The following DNAH8 variants were observed in gnomAD, a reference collection of about 807,000 sequenced individuals.
The protein encoded by DNAH8 is dynein axonemal heavy chain 8, also known as axonemal beta dynein heavy chain 8.
A neutral mutation model predicts 562.1 loss-of-function variants in DNAH8; 382 were observed. The observed-to-expected ratio is 0.68, with a 90% CI of 0.63 to 0.74. The LOEUF (loss-of-function observed/expected upper bound fraction) is 0.74, where lower values mean the gene tolerates loss of function less well. Ranked by LOEUF, DNAH8 falls within the 30% of genes least tolerant of loss-of-function variation. The pLI is 0.00. For synonymous variants in DNAH8, 1,881 were observed against 1,919.4 expected, an observed-to-expected ratio of 0.98 and a Z score of 0.52; for missense variants, 5,203 against 5,620.4, an observed-to-expected ratio of 0.93 and a Z score of 2.37.
intron 82 of DNAH8, among the ~76,000 whole-genome samples, chr6:38,969,965 A>T (rs1171072923): frequency 6.6e-6 from 1 of 152,142 alleles, no homozygotes; most frequent in East Asian, 1.9e-4. Flanking sequence ...GGCCATTCCA[A>T]GAATCTAGGC....
chr6:38,988,524 A>G (rs542690479), intron 87 of DNAH8, among the ~76,000 whole-genome samples: 1 of 152,332 alleles, frequency 6.6e-6, no homozygotes, highest in African/African-American at 2.4e-5. Context: ...AGTAATGACC[A>G]TGCTCATAAC....
chr6:38,889,205 G>T (rs1779168567), intron 57 of DNAH8, among the ~76,000 whole-genome samples: 1 of 152,170 alleles, frequency 6.6e-6, no homozygotes, highest in South Asian at 2.1e-4. Flanking sequence ...GAAAATGAAT[G>T]AATATAGCTA....
At chr6:39,023,686 A>G (rs1353158732) in intron 91 of DNAH8, among the ~76,000 whole-genome samples, 4 of 152,222 alleles carry the variant, frequency 2.6e-5, no homozygotes, top group Admixed American at 6.5e-5. Flanking sequence ...TTTAAATTCA[A>G]TAATGAACAG....
At chr6:39,024,881 C>T (rs1767166545) in intron 91 of DNAH8, among the ~76,000 whole-genome samples, 1 of 152,156 alleles carries the variant, frequency 6.6e-6, no homozygotes, top group Non-Finnish European at 1.5e-5. Context: ...TATAAAAGTC[C>T]TTCACTCAGC....
Position 38,870,796 on chromosome 6 carries a change from C to T in DNAH8, c.6990+234C>T, listed in dbSNP as rs540052635. ...AATTTACTGCAGTTTTTACTTATAC[C>T]TGGTGACAATGTTGGGCGGAAATAG... On this transcript the variant is annotated intron_variant, in intron 49 of 92. Coordinates refer to ENST00000327475, the MANE Select transcript of DNAH8 (RefSeq NM_001206927.2). 2.0e-5 allele frequency among the ~76,000 whole-genome samples: 3 copies of T among 152,226 alleles called. No individual in the cohort carries two copies. In the South Asian group the frequency reaches 6.2e-4, roughly 32 times the overall value.
intron 53 of DNAH8, among the ~76,000 whole-genome samples, chr6:38,877,582 A>G (rs1369796062): frequency 1.3e-5 from 2 of 152,200 alleles, no homozygotes; most frequent in Admixed American, 6.5e-5. Flanking sequence ...CTTTGTGGCC[A>G]CGAAATGAAC....
chr6:38,761,907 G>T, intron 11 of DNAH8, 104 bp downstream of exon 11: 1 of 557,756 alleles, frequency 1.8e-6, no homozygotes, highest in Non-Finnish European at 3.1e-6. Flanking sequence ...ACTTCCTACA[G>T]AGTAGTGTTG....
intron 89 of DNAH8, among the ~76,000 whole-genome samples, chr6:39,010,820 C>CACACGTAT (rs1554163118): frequency 1.9e-4 from 25 of 132,758 alleles, no homozygotes; most frequent in African/African-American, 1.4e-4. Context: ...CACACACACA[C>CACACGTAT]GTATGTATGT....
At chr6:38,723,853 T>C (rs1230940018) in intron 3 of DNAH8, among the ~76,000 whole-genome samples, 1 of 151,872 alleles carries the variant, frequency 6.6e-6, no homozygotes, top group Non-Finnish European at 1.5e-5. Flanking sequence ...AGTGAGATGC[T>C]GTCTAAAAAA....
rs1782578144 is a variant in DNAH8 at position 38,931,922 on chromosome 6, A to G, written c.11386A>G (p.Ile3796Val). 2 of 1,611,806 alleles carry G rather than the reference A, an allele frequency of 1.2e-6. No homozygotes were observed. Among genetic ancestry groups the G allele is most frequent in the Middle Eastern group, 1.6e-4 (1 of 6,074 alleles). Residue 3796 changes from isoleucine to valine, a missense_variant, in exon 76 of 93, where the codon ATT (isoleucine) becomes GTT (valine). Coordinates refer to ENST00000327475, the MANE Select transcript of DNAH8 (RefSeq NM_001206927.2). ...TPEINAKTSVIDFTVTMKGLE... is the reference protein window; with the variant it reads ...TPEINAKTSVVDFTVTMKGLE... ...AGAGATTAATGCTAAAACGTCAGTC[A>G]TTGATTTCACTGTTACAATGAAAGG...
At chr6:38,863,563 T>C (rs1305444584) in intron 44 of DNAH8, among the ~76,000 whole-genome samples, 1 of 152,194 alleles carries the variant, frequency 6.6e-6, no homozygotes, top group African/African-American at 2.4e-5. Context: ...ACCTATCCTT[T>C]ACTCCGCTCT....
chr6:38,726,791 T>G (rs1763253469), intron 3 of DNAH8, among the ~76,000 whole-genome samples: 1 of 149,556 alleles, frequency 6.7e-6, no homozygotes, highest in South Asian at 2.1e-4. Flanking sequence ...GAACAAGGGG[T>G]GGCATGATTT....
chr6:38,932,094 C>T (rs1561880316), intron 76 of DNAH8, 101 bp downstream of exon 76: 2 of 796,118 alleles, frequency 2.5e-6, no homozygotes, highest in Non-Finnish European at 3.7e-6. Flanking sequence ...AATTTAAAAA[C>T]CATATTTATC....
chr6:39,000,469 T>C (rs935323693), intron 88 of DNAH8, among the ~76,000 whole-genome samples: 1 of 152,180 alleles, frequency 6.6e-6, no homozygotes, highest in Admixed American at 6.5e-5. Context: ...GAGGGAGCAC[T>C]ACCGCCTGAG....
chr6:38,984,083 AT>A, intron 86 of DNAH8, 122 bp from the exon 87 acceptor site: 1 of 589,884 alleles, frequency 1.7e-6, no homozygotes, highest in South Asian at 2.4e-5. Context: ...ACGATGAATA[AT>A]TTTAAATGTG....
intron 88 of DNAH8, among the ~76,000 whole-genome samples, chr6:39,001,009 G>A (rs1765445905): frequency 6.6e-6 from 1 of 152,108 alleles, no homozygotes; most frequent in South Asian, 2.1e-4. Flanking sequence ...ACACACCAAG[G>A]AACAATCCAA....
chr6:38,920,658 A>G (rs959125248), intron 70 of DNAH8, among the ~76,000 whole-genome samples: 2 of 152,182 alleles, frequency 1.3e-5, no homozygotes, highest in Non-Finnish European at 2.9e-5. Context: ...ATGAGTAGGA[A>G]AAAGGTTAAT....
rs199660812 is a variant in DNAH8, at chr6:38,868,142, T to C, written c.6774T>C (p.Asp2258=). The C allele has an allele frequency of 3.1e-6, 5 of 1,613,854 alleles. No individual in the cohort carries two copies. The highest frequency in any genetic ancestry group is 4.2e-6 in the Non-Finnish European group (5 of 1,179,800). ...CTCAAAAAAGAGCCAGACCAGAAGA[T>C]AGTGAATTAAGCATTGTCATGAGAG... ...LGSQKRARPE[D]SELSIVMRGL... The change falls in exon 48 of 93, where the codon GAT becomes GAC. Residue 2258 remains aspartate, a synonymous_variant. Transcript: ENST00000327475.
intron 88 of DNAH8, among the ~76,000 whole-genome samples, chr6:39,000,328 A>G (rs1284258206): frequency 2.0e-5 from 3 of 152,204 alleles, no homozygotes; most frequent in African/African-American, 7.2e-5. Context: ...TTAGGGATCA[A>G]AGAAAGCTAG....
Sources: allele counts gnomAD v4.1 joint callset (sites outside exome capture counted in the v4.1 genomes callset), GRCh38; gene constraint gnomAD v4.1.1; transcripts MANE v1.5; gene names NCBI Gene and HGNC (gene_info 2026-07-23, HGNC 2026-07-21).